Variants in DNAAF9 observed in about 807,000 individuals in gnomAD.
DNAAF9 encodes the protein dynein axonemal assembly factor 9, also known as shulin.
Under a neutral mutation model 167.0 loss-of-function variants are expected in DNAAF9, and 90 were observed. The ratio of observed to expected loss-of-function variants is 0.54; its 90% CI spans 0.45 to 0.64. The LOEUF is 0.64. DNAAF9 is among the 30% of genes least tolerant of loss of function. The pLI, the probability that DNAAF9 is intolerant of heterozygous loss-of-function variation, is 0.00. For missense variants in DNAAF9, 1,315 were observed against 1,442.2 expected (o/e 0.91, Z 1.43); for synonymous variants, 491 against 508.8 (o/e 0.96, Z 0.47).
rs1054009875 is a variant in DNAAF9 at position 3,315,937 on chromosome 20, A to G, written c.1540-152T>C. 21 of 682,992 alleles carry G rather than the reference A, an allele frequency of 3.1e-5. No homozygotes were observed. Among genetic ancestry groups the G allele is most frequent in the Non-Finnish European group, 5.3e-5 (20 of 378,028 alleles). The allele number at this position is 682,992 out of a possible 1,614,324, so 42.3% of individuals were successfully genotyped here. A position where few individuals can be genotyped will look rare whatever the true frequency, so the allele number is the denominator to read the frequency against. On this transcript the variant is annotated intron_variant, in intron 18 of 36. Coordinates refer to ENST00000252032, the MANE Select transcript of DNAAF9 (RefSeq NM_001009984.3). This position sits in a 1 kb window ranked among gnomAD's most constrained non-coding sequence, Gnocchi z 4.1. ...GTGCTCTCAGGCCCTGACACACCTG[A>G]GATGTCTGCTGGTCACCTGGGCTCA...
chr20:3,341,509 A>C (rs1024983564), intron 9 of DNAAF9, among the ~76,000 whole-genome samples: 2 of 152,100 alleles, frequency 1.3e-5, no homozygotes, highest in African/African-American at 4.8e-5. Context: ...CTCCCCTTCC[A>C]GTTCTTGCAG....
intron 27 of DNAAF9, among the ~76,000 whole-genome samples, chr20:3,284,343 G>A (rs987912944): frequency 6.6e-6 from 1 of 151,992 alleles, no homozygotes; most frequent in African/African-American, 2.4e-5. Flanking sequence ...ACCACACCCA[G>A]CTAATTTTTT....
chr20:3,363,677 A>T (rs1227106204), intron 6 of DNAAF9, among the ~76,000 whole-genome samples: 9 of 152,064 alleles, frequency 5.9e-5, no homozygotes, highest in Non-Finnish European at 1.2e-4. Flanking sequence ...ATATAGAGAG[A>T]CCCTGTTCTC....
In DNAAF9 at chr20:3,294,607, A is replaced by G. The variant is rs748269748; in HGVS notation, c.2041T>C (p.Phe681Leu). ...KRLHSSAQKL[F>L]SALSQPAGEK... is the part of the protein sequence containing the mutation. ...CCAGCAGGCTGGCTCAGGGCACTGA[A>G]GAGCTTCTGTGCACTGGAGTGCCTG... is the stretch of plus-strand genomic sequence containing the variant. Residue 681 changes from phenylalanine to leucine, a missense_variant, in exon 24 of 37, where the codon TTC becomes CTC. By Grantham distance (22) the Phe-to-Leu change is conservative. Coordinates refer to ENST00000252032, the MANE Select transcript of DNAAF9 (RefSeq NM_001009984.3). The G allele has an allele frequency of 1.2e-6, 2 of 1,613,208 alleles. No homozygotes were observed. Among genetic ancestry groups the G allele is most frequent in the South Asian group, 2.2e-5 (2 of 91,064 alleles).
chr20:3,402,480 C>T (rs74559361), intron 1 of DNAAF9, among the ~76,000 whole-genome samples: 6,359 of 152,078 alleles, frequency 0.042, 191 homozygotes, highest in Middle Eastern at 0.072. Flanking sequence ...TAAACTAATT[C>T]CCCTATCCAA....
intron 25 of DNAAF9, among the ~76,000 whole-genome samples, chr20:3,293,804 C>A (rs1413403932): frequency 6.6e-6 from 1 of 152,058 alleles, no homozygotes; most frequent in Non-Finnish European, 1.5e-5. Flanking sequence ...TCAACCACTG[C>A]CAGGTAAGTT....
chr20:3,329,202 C>CT (rs2069774467), intron 12 of DNAAF9, among the ~76,000 whole-genome samples: 1 of 143,232 alleles, frequency 7.0e-6, no homozygotes, highest in Admixed American at 6.8e-5. Context: ...GGAACTCACT[C>CT]TGTCACCCAG....
intron 30 of DNAAF9, among the ~76,000 whole-genome samples, chr20:3,268,634 G>A (rs377147448): frequency 6.6e-6 from 1 of 151,544 alleles, no homozygotes; most frequent in South Asian, 2.1e-4. Flanking sequence ...GCCTAGATTC[G>A]CTTTTTTTGG....
chr20:3,352,865 CATAA>C (rs1356389528), intron 7 of DNAAF9, among the ~76,000 whole-genome samples: 2 of 131,504 alleles, frequency 1.5e-5, no homozygotes, highest in African/African-American at 2.8e-5. Context: ...TATATATATG[CATAA>C]ATATATATTT....
Position 3,253,877 on chromosome 20 carries a change from TC to T in DNAAF9, c.3328-59del. The T allele has an allele frequency of 3.1e-6, 3 of 956,948 alleles. No individual in the cohort carries two copies. In the Admixed American group the frequency reaches 5.2e-5, roughly 17 times the overall value. The allele number at this position is 956,948 out of a possible 1,614,324, so 59.3% of individuals were successfully genotyped here. A position where few individuals can be genotyped will look rare whatever the true frequency, so the allele number is the denominator to read the frequency against. On this transcript the variant is annotated intron_variant, in intron 35 of 36. Coordinates refer to ENST00000252032, the MANE Select transcript of DNAAF9 (RefSeq NM_001009984.3). ...TGACTACTTTCTATACTTCACTCAC[TC>T]ATTAAAACAAACAAGTCTATTTCCC...
Position 3,407,589 on chromosome 20 carries a change from G to A in DNAAF9, c.-32C>T. ...GGACGACTGGCGGCGGAGGAGGACG[G>A]TGCAGCTGCGAGGGTCTCAGTTGCC... On this transcript the variant is annotated 5_prime_UTR_variant, in exon 1 of 37. Coordinates refer to ENST00000252032, the MANE Select transcript of DNAAF9 (RefSeq NM_001009984.3). 1 of 1,219,278 alleles carries A rather than the reference G, an allele frequency of 8.2e-7. No homozygotes were observed. Among genetic ancestry groups the A allele is most frequent in the Non-Finnish European group, 1.0e-6 (1 of 979,764 alleles). The allele number at this position is 1,219,278 out of a possible 1,614,324, so 75.5% of individuals were successfully genotyped here.
At chr20:3,386,820 C>T (rs1600906042) in intron 1 of DNAAF9, among the ~76,000 whole-genome samples, 2 of 151,526 alleles carry the variant, frequency 1.3e-5, no homozygotes, top group Non-Finnish European at 2.9e-5. Flanking sequence ...AACAATTTGT[C>T]AAAGAGGATA....
chr20:3,395,189 T>C (rs1001814499), intron 1 of DNAAF9, among the ~76,000 whole-genome samples: 4 of 144,032 alleles, frequency 2.8e-5, no homozygotes, highest in East Asian at 2.0e-4. Context: ...GCCAGGATGG[T>C]CTCGATCTCC....
chr20:3,307,760 C>T (rs947578335), intron 20 of DNAAF9, among the ~76,000 whole-genome samples: 1 of 152,032 alleles, frequency 6.6e-6, no homozygotes, highest in Non-Finnish European at 1.5e-5. Context: ...GGGATGGGCC[C>T]TCAGGGTAAA....
chr20:3,264,571 CTCTT>C (rs939485303), intron 30 of DNAAF9, 47 bp from the exon 31 acceptor site: 5 of 955,646 alleles, frequency 5.2e-6, no homozygotes, highest in Non-Finnish European at 8.5e-6. Flanking sequence ...GACTGTCAAT[CTCTT>C]TTTTTTTTTT....
At position 3,322,202 on chromosome 20, in the gene DNAAF9, G is replaced by T. The variant is rs1258583614; in HGVS notation, c.1356+15C>A. ...GGCCATTCCCAGCCAGCTGACCCAT[G>T]ATAGCTCTGCTTACCGTCTTCACAA... On this transcript the variant is annotated intron_variant, in intron 16 of 36. Transcript: ENST00000252032. The T allele has an allele frequency of 1.9e-6, 3 of 1,598,940 alleles. No homozygotes were observed. In the African/African-American group the frequency reaches 4.0e-5, roughly 21 times the overall value.
chr20:3,347,756 T>C (rs1190432968), intron 8 of DNAAF9, among the ~76,000 whole-genome samples: 1 of 152,028 alleles, frequency 6.6e-6, no homozygotes, highest in Non-Finnish European at 1.5e-5. Context: ...AACCCATCTC[T>C]ACTAAAAATA....
chr20:3,304,380 C>G (rs2069250194), intron 21 of DNAAF9, 60 bp downstream of exon 21: 11 of 802,920 alleles, frequency 1.4e-5, no homozygotes, highest in Non-Finnish European at 2.5e-5. Context: ...ATTTAGTTTT[C>G]CCCTCAAAAG....
intron 10 of DNAAF9, among the ~76,000 whole-genome samples, chr20:3,338,454 A>G (rs974342276): frequency 2.0e-5 from 3 of 151,972 alleles, no homozygotes; most frequent in African/African-American, 7.3e-5. Context: ...CTACACATAG[A>G]TATTTTGGGA....
Sources: gnomAD v4.1 joint callset for allele counts (sites outside exome capture counted in the v4.1 genomes callset) on GRCh38, gnomAD v4.1.1 for gene constraint, Gnocchi (gnomAD v3.1) non-coding constraint, MANE v1.5 for transcripts, NCBI Gene and HGNC (gene_info 2026-07-23, HGNC 2026-07-21) for gene names.